Variants in SDK1 observed in about 807,000 individuals in gnomAD.
SDK1 encodes the protein sidekick cell adhesion molecule 1.
A neutral mutation model predicts 245.5 loss-of-function variants in SDK1; 157 were observed. The observed-to-expected ratio is 0.64, with a 90% CI of 0.56 to 0.73. SDK1 has a LOEUF of 0.73. Ranked by LOEUF, SDK1 falls within the 30% of genes least tolerant of loss-of-function variation. The pLI is 0.00. For synonymous variants in SDK1, 1,647 were observed against 1,278.5 expected (o/e 1.29, Z -6.15); for missense variants, 3,583 against 3,002.3 (o/e 1.19, Z -4.52).
chr7:3,344,851 T>G (rs1440466816), intron 1 of SDK1, among the ~76,000 whole-genome samples: 1 of 152,186 alleles, frequency 6.6e-6, no homozygotes. Flanking sequence ...GTGGTGAGCC[T>G]TTGTAGTTAA....
intron 4 of SDK1, among the ~76,000 whole-genome samples, chr7:3,721,203 A>G (rs1352204485): frequency 6.6e-6 from 1 of 152,198 alleles, no homozygotes; most frequent in Non-Finnish European, 1.5e-5. Context: ...TGGTAGTTAC[A>G]TAAAGCTACG....
At chr7:4,003,742 C>T (rs981149830) in intron 14 of SDK1, among the ~76,000 whole-genome samples, 2 of 152,246 alleles carry the variant, frequency 1.3e-5, no homozygotes, top group African/African-American at 4.8e-5. Context: ...GCTAGACTCT[C>T]AGCAGCACCT....
chr7:3,708,160 T>TGA (rs1445932563), intron 4 of SDK1, among the ~76,000 whole-genome samples: 4 of 152,066 alleles, frequency 2.6e-5, no homozygotes, highest in African/African-American at 7.3e-5. Context: ...CAAGAGAGAA[T>TGA]GAGAGGGGAG....
At chr7:4,132,069 G>A (rs1034040721) in intron 27 of SDK1, among the ~76,000 whole-genome samples, 4 of 152,240 alleles carry the variant, frequency 2.6e-5, no homozygotes, top group East Asian at 1.9e-4. Flanking sequence ...GGCATAGTTC[G>A]TGAACCCTGC....
At chr7:3,730,355 G>T (rs564253511) in intron 4 of SDK1, among the ~76,000 whole-genome samples, 1 of 152,334 alleles carries the variant, frequency 6.6e-6, no homozygotes, top group Admixed American at 6.5e-5. Context: ...TTCAGCCCTG[G>T]TGAGAGTAGG....
chr7:3,509,064 T>TGG (rs201475160), intron 1 of SDK1, among the ~76,000 whole-genome samples: 1 of 145,204 alleles, frequency 6.9e-6, no homozygotes, highest in African/African-American at 2.6e-5. Flanking sequence ...CTAAGGAAGG[T>TGG]GGGGTGTGTG....
At chr7:3,568,907 A>G (rs73296281) in intron 1 of SDK1, among the ~76,000 whole-genome samples, 2,841 of 152,270 alleles carry the variant, frequency 0.019, 84 homozygotes, top group African/African-American at 0.064. Context: ...CAAAGGAATT[A>G]TAGGCAATTT....
At chr7:3,498,702 T>C (rs1583954859) in intron 1 of SDK1, among the ~76,000 whole-genome samples, 1 of 151,940 alleles carries the variant, frequency 6.6e-6, no homozygotes, top group African/African-American at 2.4e-5. Context: ...GTTACCGGAA[T>C]GTCTCAGAAT....
chr7:4,193,956 A>G (rs942747623), intron 35 of SDK1, among the ~76,000 whole-genome samples: 3 of 152,154 alleles, frequency 2.0e-5, no homozygotes, highest in Non-Finnish European at 1.5e-5. Context: ...AGGAGCGTCA[A>G]ATGCATTTAT....
At chr7:3,633,837 G>T (rs6945446) in intron 2 of SDK1, among the ~76,000 whole-genome samples, 48,072 of 151,724 alleles carry the variant, frequency 0.32, 7,910 homozygotes, top group South Asian at 0.46. Flanking sequence ...GATTGGGCAG[G>T]AACAGAGTGA....
intron 5 of SDK1, among the ~76,000 whole-genome samples, chr7:3,912,564 C>G (rs1270927170): frequency 6.6e-6 from 1 of 152,208 alleles, no homozygotes. Context: ...CTTCAGTGGA[C>G]TGAAGATAGG....
At chr7:4,230,405 G>A (rs183217956) in intron 40 of SDK1, among the ~76,000 whole-genome samples, 140 of 140,750 alleles carry the variant, frequency 9.9e-4, no homozygotes, top group African/African-American at 3.4e-3. Context: ...GAGGGCAGGG[G>A]AGGGAAGGGG....
chr7:3,602,726 G>C (rs928656438), intron 1 of SDK1, among the ~76,000 whole-genome samples: 1 of 152,054 alleles, frequency 6.6e-6, no homozygotes, highest in Non-Finnish European at 1.5e-5. Context: ...ATTGCTTTTG[G>C]TGTTTTAGAC....
chr7:3,965,364 T>A (rs1273910177), intron 9 of SDK1, among the ~76,000 whole-genome samples: 1 of 152,156 alleles, frequency 6.6e-6, no homozygotes, highest in African/African-American at 2.4e-5. Context: ...GATTATAGGA[T>A]TCTCATGAGG....
intron 5 of SDK1, among the ~76,000 whole-genome samples, chr7:3,899,817 TTACCAGGCCC>T (rs1781723409): frequency 6.6e-6 from 1 of 152,230 alleles, no homozygotes; most frequent in South Asian, 2.1e-4. Flanking sequence ...ATAGGGGGCG[TTACCAGGCCC>T]CTGCCACCCC....
chr7:3,648,115 TAC>T (rs966672109), intron 4 of SDK1, among the ~76,000 whole-genome samples: 2 of 152,234 alleles, frequency 1.3e-5, no homozygotes, highest in Admixed American at 6.5e-5. Context: ...GTCATATAAA[TAC>T]AGTCTAATTT....
At chr7:3,546,464 C>T (rs116230140) in intron 1 of SDK1, among the ~76,000 whole-genome samples, 2 of 152,208 alleles carry the variant, frequency 1.3e-5, no homozygotes, top group Non-Finnish European at 2.9e-5. Flanking sequence ...TATCTTCTTA[C>T]AATATCCTAC....
chr7:3,879,102 C>T (rs1361946437), intron 5 of SDK1, among the ~76,000 whole-genome samples: 1 of 152,116 alleles, frequency 6.6e-6, no homozygotes, highest in Admixed American at 6.6e-5. Context: ...GATTATACTT[C>T]TCTGGGGGAC....
At position 3,970,904 on chromosome 7, in the gene SDK1, G is replaced by A. The variant is rs535155214; in HGVS notation, c.1715-562G>A. 6.6e-5 allele frequency among the ~76,000 whole-genome samples: 10 copies of A among 152,306 alleles called. No homozygotes were observed. The South Asian group carries it at 2.1e-3, about 32-fold the overall frequency. On this transcript the variant is annotated intron_variant, in intron 11 of 44. Coordinates refer to ENST00000404826, the MANE Select transcript of SDK1 (RefSeq NM_152744.4). ...GAGCAGGTCCCCCTTAGAGGTATGG[G>A]TGCTACAGTGACCCATCGCACAGGC...
Sources: allele counts gnomAD v4.1 joint callset (sites outside exome capture counted in the v4.1 genomes callset), GRCh38; gene constraint gnomAD v4.1.1; transcripts MANE v1.5; gene names NCBI Gene and HGNC (gene_info 2026-07-23, HGNC 2026-07-21).